The following LRRC37A2 variants were observed in gnomAD, a reference collection of about 807,000 sequenced individuals.
LRRC37A2 encodes the protein leucine rich repeat containing 37 member A2.
A neutral mutation model predicts 68.8 loss-of-function variants in LRRC37A2; 9 were observed. The ratio of observed to expected loss-of-function variants is 0.13; its 90% CI spans 0.08 to 0.23. The LOEUF (loss-of-function observed/expected upper bound fraction) is 0.23, where lower values mean the gene tolerates loss of function less well. Ranked by LOEUF, LRRC37A2 falls within the 10% of genes least tolerant of loss-of-function variation. LRRC37A2 has a pLI of 1.00. For missense variants in LRRC37A2, 168 were observed against 950.4 expected, an observed-to-expected ratio of 0.18 and a Z score of 10.82; for synonymous variants, 63 against 367.6, an observed-to-expected ratio of 0.17 and a Z score of 9.48.
chr17:46,710,887 G>T, the LRRC37A2 span: 1 of 1,327,296 alleles, frequency 7.5e-7, no homozygotes, highest in Non-Finnish European at 1.0e-6. Context: ...AGCATGTACG[G>T]ATTATAACTC....
At chr17:46,392,601 C>T in the LRRC37A2 span, among the ~76,000 whole-genome samples, 1 of 39,342 alleles carries the variant, frequency 2.5e-5, no homozygotes, top group Non-Finnish European at 5.0e-5. Context: ...GTCTTGAACT[C>T]CTGGCCTCAA....
chr17:46,993,383 T>G, the LRRC37A2 span, among the ~76,000 whole-genome samples: 1 of 152,222 alleles, frequency 6.6e-6, no homozygotes, highest in East Asian at 1.9e-4. Flanking sequence ...TAAAAAGGGA[T>G]CAGTCTGCCT....
At chr17:46,918,596 G>GACACACAC in the LRRC37A2 span, among the ~76,000 whole-genome samples, 6 of 146,762 alleles carry the variant, frequency 4.1e-5, no homozygotes, top group African/African-American at 1.5e-4. Flanking sequence ...ATAGCAGGCA[G>GACACACAC]ACACACACAC....
chr17:47,020,071 C>A, the LRRC37A2 span, among the ~76,000 whole-genome samples: 1 of 150,632 alleles, frequency 6.6e-6, no homozygotes, highest in Non-Finnish European at 1.5e-5. Flanking sequence ...CTGCTCTCCT[C>A]CCATTTTTGC....
At chr17:46,906,248 C>T in the LRRC37A2 span, among the ~76,000 whole-genome samples, 23 of 152,232 alleles carry the variant, frequency 1.5e-4, no homozygotes, top group East Asian at 4.1e-3. Flanking sequence ...TTCACCCAGC[C>T]TCTTCTGGAG....
the LRRC37A2 span, among the ~76,000 whole-genome samples, chr17:46,494,046 T>C: frequency 1.3e-5 from 2 of 149,742 alleles, no homozygotes; most frequent in Admixed American, 1.3e-4. Context: ...GGTTTCGCTA[T>C]GTTGCCCAGG....
chr17:46,741,448 A>AG, the LRRC37A2 span, among the ~76,000 whole-genome samples: 1 of 152,162 alleles, frequency 6.6e-6, no homozygotes, highest in Non-Finnish European at 1.5e-5. Flanking sequence ...CAGCACCATG[A>AG]GGATGGTTAC....
At chr17:46,946,334 G>T in the LRRC37A2 span, among the ~76,000 whole-genome samples, 1 of 150,318 alleles carries the variant, frequency 6.7e-6, no homozygotes, top group African/African-American at 2.5e-5. Flanking sequence ...GGTGGCGCAT[G>T]CCTGTAATCC....
the LRRC37A2 span, among the ~76,000 whole-genome samples, chr17:46,493,560 A>C: frequency 7.1e-6 from 1 of 140,974 alleles, no homozygotes; most frequent in Non-Finnish European, 1.5e-5. Flanking sequence ...TTTATTTGAG[A>C]CGGAGTCTCG....
At chr17:46,902,930 T>C in the LRRC37A2 span, among the ~76,000 whole-genome samples, 1 of 152,132 alleles carries the variant, frequency 6.6e-6, no homozygotes, top group Non-Finnish European at 1.5e-5. Flanking sequence ...TGCTAGCCAA[T>C]GACAGTTGAA....
chr17:46,935,470 G>C, the LRRC37A2 span: 1 of 1,369,596 alleles, frequency 7.3e-7, no homozygotes, highest in Non-Finnish European at 9.4e-7. Context: ...CCAATCACAG[G>C]CTGAGAAATT....
chr17:46,919,961 A>G, the LRRC37A2 span, among the ~76,000 whole-genome samples: 1 of 152,166 alleles, frequency 6.6e-6, no homozygotes, highest in East Asian at 1.9e-4. Flanking sequence ...AAAAGAAAGA[A>G]AGAAAGAAAA....
At chr17:46,830,397 A>T in the LRRC37A2 span, among the ~76,000 whole-genome samples, 1 of 151,994 alleles carries the variant, frequency 6.6e-6, no homozygotes, top group Non-Finnish European at 1.5e-5. Flanking sequence ...GACCACAGAC[A>T]TGCACCACCG....
the LRRC37A2 span, chr17:47,028,200 A>G: frequency 5.2e-6 from 5 of 958,242 alleles, no homozygotes; most frequent in African/African-American, 1.6e-5. Context: ...TCCATCCTGT[A>G]TAAATTAGAA....
At chr17:46,876,609 C>T in the LRRC37A2 span, 2 of 1,612,144 alleles carry the variant, frequency 1.2e-6, no homozygotes, top group Non-Finnish European at 1.7e-6. Context: ...GGCTATGACA[C>T]CCAGAGCCGC....
At chr17:46,918,712 G>A in the LRRC37A2 span, among the ~76,000 whole-genome samples, 4 of 151,858 alleles carry the variant, frequency 2.6e-5, no homozygotes, top group Admixed American at 1.3e-4. Context: ...AAGGGTCATT[G>A]GACTGCAGCT....
the LRRC37A2 span, among the ~76,000 whole-genome samples, chr17:46,983,509 G>T: frequency 1.1e-4 from 16 of 151,784 alleles, no homozygotes; most frequent in South Asian, 6.2e-4. Flanking sequence ...TGGCCAGCTG[G>T]TCTCGAACTC....
At chr17:47,028,162 G>C in the LRRC37A2 span, 13 of 740,196 alleles carry the variant, frequency 1.8e-5, no homozygotes, top group Admixed American at 2.0e-4. Flanking sequence ...GATTTCCTTA[G>C]TGCATAGAGA....
the LRRC37A2 span, among the ~76,000 whole-genome samples, chr17:46,791,204 C>T: frequency 6.6e-6 from 1 of 151,946 alleles, no homozygotes; most frequent in South Asian, 2.1e-4. Context: ...CCCAGGACTT[C>T]GCTTTCCTTA....
Sources: allele counts gnomAD v4.1 joint callset (sites outside exome capture counted in the v4.1 genomes callset), GRCh38; gene constraint gnomAD v4.1.1; transcripts MANE v1.5; gene names NCBI Gene and HGNC (gene_info 2026-07-23, HGNC 2026-07-21).